BTK: variants seen among roughly 807,000 people sequenced by gnomAD.
The protein encoded by BTK is Bruton tyrosine kinase.
Under a neutral mutation model 57.4 loss-of-function variants are expected in BTK, and 5 were observed. That is an observed-to-expected ratio of 0.09 (90% CI 0.05 to 0.18). The LOEUF is 0.18. Among genes scored for constraint, BTK ranks in the 10% least tolerant of loss-of-function variants. The pLI is 1.00. For synonymous variants in BTK, 154 were observed against 174.3 expected (o/e 0.88, Z 0.92); for missense variants, 194 against 501.2 (o/e 0.39, Z 5.85).
upstream of BTK, among the ~76,000 whole-genome samples, chrX:101,387,817 T>C (rs1927665196): frequency 9.1e-6 from 1 of 110,188 alleles, no homozygotes; most frequent in Non-Finnish European, 1.9e-5. Flanking sequence ...GCTGTTCCAC[T>C]CACCTGCCTG....
At chrX:101,360,473 G>T in intron 8 of BTK, 95 bp downstream of exon 8, 1 of 958,948 alleles carries the variant, frequency 1.0e-6, no homozygotes, top group Non-Finnish European at 1.5e-6. Context: ...AACAGTCTCT[G>T]ATGAGGATGC....
chrX:101,373,463 T>C (rs187291989), intron 3 of BTK, among the ~76,000 whole-genome samples: 1 of 111,987 alleles, frequency 8.9e-6, no homozygotes, highest in African/African-American at 3.2e-5. Flanking sequence ...TTAAAGAATA[T>C]CTATTGTCAT....
upstream of BTK, among the ~76,000 whole-genome samples, chrX:101,388,419 C>A (rs1389977484): frequency 8.9e-6 from 1 of 112,208 alleles, no homozygotes; most frequent in Non-Finnish European, 1.9e-5. Flanking sequence ...TGAGTGTCAC[C>A]TGAAGAGATT....
intron 1 of BTK, among the ~76,000 whole-genome samples, chrX:101,382,862 C>T (rs1363628946): frequency 1.8e-5 from 2 of 110,788 alleles, no homozygotes; most frequent in Non-Finnish European, 1.9e-5. Context: ...TTTTTTCCAT[C>T]GATATCAAAA....
chrX:101,378,369 C>A (rs1927286998), intron 1 of BTK, among the ~76,000 whole-genome samples: 1 of 111,429 alleles, frequency 9.0e-6, no homozygotes, highest in African/African-American at 3.3e-5. Flanking sequence ...CAGGTATGAG[C>A]CACCGTGCCT....
chrX:101,356,530 A>C, intron 14 of BTK: 1 of 452,133 alleles, frequency 2.2e-6, no homozygotes, highest in Non-Finnish European at 3.8e-6. Flanking sequence ...TTCTCTTGAA[A>C]GTTTAATTTT....
At chrX:101,380,870 C>CCTGGCGTGGTGGCGCGCACCTG (rs1569297783) in intron 1 of BTK, among the ~76,000 whole-genome samples, 1 of 105,583 alleles carries the variant, frequency 9.5e-6, no homozygotes, top group African/African-American at 3.7e-5. Context: ...CAAAAACTAG[C>CCTGGCGTGGTGGCGCGCACCTG]TGGGCCAACG....
chrX:101,389,703 C>T (rs1927725658), upstream of BTK, among the ~76,000 whole-genome samples: 1 of 111,441 alleles, frequency 9.0e-6, no homozygotes, highest in African/African-American at 3.3e-5. Context: ...GCAGATGCCC[C>T]TGCTTCCTTT....
intron 1 of BTK, among the ~76,000 whole-genome samples, chrX:101,377,032 G>A (rs1927237065): frequency 9.0e-6 from 1 of 111,240 alleles, no homozygotes; most frequent in Non-Finnish European, 1.9e-5. Context: ...CCATGTGTAT[G>A]CCACTATCTT....
chrX:101,372,064 C>T (rs1427902976), intron 3 of BTK, among the ~76,000 whole-genome samples: 1 of 111,717 alleles, frequency 9.0e-6, no homozygotes, highest in Non-Finnish European at 1.9e-5. Flanking sequence ...AAAAATAAAA[C>T]TATGAATGAC....
rs782186641 is a variant in BTK, at chrX:101,383,042, G to A, written c.-31+3020C>T. Reference sequence around the variant, plus strand: ...AGTAAAATAAAACATGCTTATTGTAGAAAATATGTCAAGTACAGGGATATA... The same window carrying A: ...AGTAAAATAAAACATGCTTATTGTAAAAAATATGTCAAGTACAGGGATATA... On this transcript the variant is annotated intron_variant, in intron 1 of 18. Transcript: ENST00000308731. Among the ~76,000 whole-genome samples, 3 of 111,124 alleles carry A rather than the reference G, an allele frequency of 2.7e-5. No homozygotes were observed. In the East Asian group the frequency reaches 8.4e-4, roughly 31 times the overall value.
At chrX:101,356,606 A>T (rs782003237) in intron 14 of BTK, 178 bp downstream of exon 14, 1 of 528,428 alleles carries the variant, frequency 1.9e-6, no homozygotes, top group Non-Finnish European at 3.2e-6. Context: ...CTCAACCAAT[A>T]TCTAAGGCAC....
intron 18 of BTK, among the ~76,000 whole-genome samples, chrX:101,351,372 A>G (rs1357986717): frequency 8.9e-6 from 1 of 111,957 alleles, no homozygotes; most frequent in African/African-American, 3.2e-5. Flanking sequence ...CAGGCTGTGG[A>G]TAAAGTACCT....
intron 10 of BTK, 96 bp downstream of exon 10, chrX:101,359,197 A>T: frequency 1.0e-6 from 1 of 978,736 alleles, no homozygotes; most frequent in Non-Finnish European, 1.5e-6. Flanking sequence ...CAGCTTTGAC[A>T]CTGCCTTGCC....
At chrX:101,355,976 C>G (rs1432466727) in intron 15 of BTK, 76 bp downstream of exon 15, 1 of 1,029,897 alleles carries the variant, frequency 9.7e-7, no homozygotes, top group Non-Finnish European at 1.4e-6. Flanking sequence ...CCCCCTCAAC[C>G]ATGTATGATA....
In BTK at chrX:101,349,698, C is replaced by G. The variant is rs1926210721; in HGVS notation, c.*187G>C. 6.7e-6 allele frequency: 3 copies of G among 449,832 alleles called. No individual in the cohort carries two copies. Among genetic ancestry groups the G allele is most frequent in the Non-Finnish European group, 1.2e-5 (3 of 254,153 alleles). The allele number at this position is 449,832 out of a possible 1,213,427, so 37.1% of individuals were successfully genotyped here. On this transcript the variant is annotated 3_prime_UTR_variant, in exon 19 of 19. Coordinates refer to ENST00000308731, the MANE Select transcript of BTK (RefSeq NM_000061.3). ...AATTTCAGGCACAATAATTTCTTGGCCTTTGCTCAGAAGCCACTATCCCAG... is the reference window on the plus strand; with the variant it reads ...AATTTCAGGCACAATAATTTCTTGGGCTTTGCTCAGAAGCCACTATCCCAG...
chrX:101,362,806 C>G lies in BTK; in HGVS notation c.392-117G>C, dbSNP rs781843005. 25 of 1,024,068 alleles carry G rather than the reference C, an allele frequency of 2.4e-5. No individual in the cohort carries two copies. In the African/African-American group the frequency reaches 4.5e-4, roughly 18 times the overall value. The allele number at this position is 1,024,068 out of a possible 1,213,427, so 84.4% of individuals were successfully genotyped here. On this transcript the variant is annotated intron_variant, in intron 5 of 18. Transcript: ENST00000308731. ...AAGCAACTGCCCCCTCCTTGGCCAC[C>G]CTGAAGGAGAGCAGATCACAGGACC...
intron 13 of BTK, 119 bp downstream of exon 13, chrX:101,357,390 C>T (rs1926517553): frequency 7.7e-6 from 5 of 650,556 alleles, no homozygotes; most frequent in Admixed American, 2.3e-5. Flanking sequence ...CTGTCTTGAG[C>T]GTCCTTGAGG....
At chrX:101,350,401 C>CT (rs782749965) in intron 18 of BTK, among the ~76,000 whole-genome samples, 5,225 of 68,620 alleles carry the variant, frequency 0.076, 297 homozygotes, top group East Asian at 0.12. Flanking sequence ...TACCTGGGAC[C>CT]TTTTTTTTTT....
Sources: allele counts gnomAD v4.1 joint callset (sites outside exome capture counted in the v4.1 genomes callset), GRCh38; gene constraint gnomAD v4.1.1; transcripts MANE v1.5; gene names NCBI Gene and HGNC (gene_info 2026-07-23, HGNC 2026-07-21).